The following CD82 variants were observed in gnomAD, a reference collection of about 807,000 sequenced individuals.
The protein encoded by CD82 is CD82 antigen.
Under a neutral mutation model 37.4 loss-of-function variants are expected in CD82, and 36 were observed. The ratio of observed to expected loss-of-function variants is 0.96; its 90% CI spans 0.74 to 1.27. CD82 has a LOEUF of 1.27. CD82 is among the 50% of genes most tolerant of loss of function. CD82 has a pLI of 0.00. For synonymous variants in CD82, 158 were observed against 137.4 expected (o/e 1.15, Z -1.05); for missense variants, 340 against 347.0 (o/e 0.98, Z 0.16).
rs768938991 is a variant in CD82 at position 44,594,733 on chromosome 11, T to C, written c.63+8T>C. The C allele has an allele frequency of 1.9e-6, 3 of 1,611,004 alleles. No homozygotes were observed. The highest frequency in any genetic ancestry group is 2.5e-6 in the Non-Finnish European group (3 of 1,177,128). ...TTCAACTTGATCTTCTTTGTAAGTA[T>C]GTCCCATGCCGTCCTGACCACCTCC... On this transcript the variant is annotated splice_region_variant and intron_variant, in intron 3 of 9. Transcript: ENST00000227155.
At chr11:44,609,646 C>T (rs1227986196) in intron 6 of CD82, among the ~76,000 whole-genome samples, 13 of 152,196 alleles carry the variant, frequency 8.5e-5, no homozygotes, top group Non-Finnish European at 1.5e-4. Context: ...ACACAGGTGG[C>T]GAGACGGGTT....
At chr11:44,609,759 A>C (rs979851011) in intron 6 of CD82, among the ~76,000 whole-genome samples, 6 of 152,140 alleles carry the variant, frequency 3.9e-5, no homozygotes, top group African/African-American at 1.4e-4. Context: ...AGGGAGGAAG[A>C]GCAGCTGGAG....
rs71038809 is a variant in CD82 at position 44,598,400 on chromosome 11, A to ATTTTTTTTTTTTTTTTTTTTTT, written c.64-1750_64-1729dup. ...CAGTTATCATGGATTTTTGGCCTTA[A>ATTTTTTTTTTTTTTTTTTTTTT]TTTTTTTTTTTTTTTTTTTTTTTTT... On this transcript the variant is annotated intron_variant, in intron 3 of 9. Coordinates refer to ENST00000227155, the MANE Select transcript of CD82 (RefSeq NM_002231.4). Among the ~76,000 whole-genome samples, 5 of 58,880 alleles carry ATTTTTTTTTTTTTTTTTTTTTT rather than the reference A, an allele frequency of 8.5e-5. 1 individual carries two copies. Among genetic ancestry groups the ATTTTTTTTTTTTTTTTTTTTTT allele is most frequent in the East Asian group, 5.9e-4 (1 of 1,688 alleles). The allele number at this position is 58,880 out of a possible 152,430, so 38.6% of individuals were successfully genotyped here. A position where few individuals can be genotyped will look rare whatever the true frequency, so the allele number is the denominator to read the frequency against.
At chr11:44,575,880 G>T (rs529253757) in intron 1 of CD82, among the ~76,000 whole-genome samples, 2 of 152,326 alleles carry the variant, frequency 1.3e-5, no homozygotes, top group Non-Finnish European at 2.9e-5. Context: ...CAAGTGACAT[G>T]CTGTGTCTAA....
chr11:44,591,403 G>T (rs1478227797), intron 2 of CD82, among the ~76,000 whole-genome samples: 1 of 152,212 alleles, frequency 6.6e-6, no homozygotes, highest in Non-Finnish European at 1.5e-5. Context: ...CTTGCCCAGG[G>T]TCTGGAATAT....
intron 1 of CD82, among the ~76,000 whole-genome samples, chr11:44,586,605 G>C (rs555244406): frequency 3.9e-5 from 6 of 152,308 alleles, no homozygotes; most frequent in African/African-American, 1.4e-4. Context: ...GCAGTGAGCT[G>C]TGTTTACACC....
intron 1 of CD82, among the ~76,000 whole-genome samples, chr11:44,577,385 T>C (rs1000403360): frequency 2.0e-5 from 3 of 152,118 alleles, no homozygotes; most frequent in Non-Finnish European, 2.9e-5. Flanking sequence ...AGCCACCTTC[T>C]TCCCTCAGGG....
chr11:44,567,899 G>T (rs1361975856), intron 1 of CD82, among the ~76,000 whole-genome samples: 1 of 152,232 alleles, frequency 6.6e-6, no homozygotes, highest in African/African-American at 2.4e-5. Flanking sequence ...CTTGAGGAGA[G>T]GAAAATGCCT....
rs1565097176 is a variant in CD82, at chr11:44,618,648, G to C, written c.651G>C (p.Met217Ile). The C allele has an allele frequency of 1.9e-6, 3 of 1,611,860 alleles. No individual in the cohort carries two copies. Among genetic ancestry groups the C allele is most frequent in the Non-Finnish European group, 2.5e-6 (3 of 1,179,846 alleles). The change falls in exon 9 of 10, where the codon ATG (methionine) becomes ATC (isoleucine). Residue 217 changes from methionine (M) to isoleucine (I), a missense_variant. Transcript: ENST00000227155. ...EDWPVYQEGCMEKVQAWLQEN... is the reference protein window; with the variant it reads ...EDWPVYQEGCIEKVQAWLQEN... ...GCATTCTGCCCTTGCAGGGCTGCAT[G>C]GAGAAGGTGCAGGCGTGGCTGCAGG...
At position 44,582,997 on chromosome 11, in the gene CD82, A is replaced by G. The variant is rs75190697; in HGVS notation, c.-102-4478A>G. On this transcript the variant is annotated intron_variant, in intron 1 of 9. Coordinates refer to ENST00000227155, the MANE Select transcript of CD82 (RefSeq NM_002231.4). ...CCCAACATACACAATGAACTTGTGC[A>G]TTCCCCAGAAGGGGTGGGGGTAGGG... Among the ~76,000 whole-genome samples, 1,113 of 152,338 alleles carry G rather than the reference A, an allele frequency of 7.3e-3. 15 individuals carry two copies. The highest frequency in any genetic ancestry group is 0.026 in the African/African-American group (1,064 of 41,580).
At chr11:44,571,986 G>T (rs986169352) in intron 1 of CD82, among the ~76,000 whole-genome samples, 1 of 152,192 alleles carries the variant, frequency 6.6e-6, no homozygotes, top group Non-Finnish European at 1.5e-5. Context: ...TGTTATCTTG[G>T]GTAAGTTATA....
At chr11:44,580,912 G>C (rs183860440) in intron 1 of CD82, among the ~76,000 whole-genome samples, 69 of 152,288 alleles carry the variant, frequency 4.5e-4, no homozygotes, top group Middle Eastern at 3.4e-3. Flanking sequence ...TGAGCTCAGT[G>C]CCTGGGGAGG....
rs182211375 is a variant in CD82, at chr11:44,588,033, C to T, written c.-21+477C>T. The T allele has an allele frequency of 1.9e-3, 409 of 209,824 alleles. 5 individuals are homozygous for T. The East Asian group carries it at 0.039, about 20-fold the overall frequency. 13.0% of individuals were successfully genotyped at this position (209,824 alleles called of 1,614,324 possible). On this transcript the variant is annotated intron_variant, in intron 2 of 9. Coordinates refer to ENST00000227155, the MANE Select transcript of CD82 (RefSeq NM_002231.4). ...ATTTGTTGGGAGTCTGCCTTGTTCT[C>T]GTAAATAACAGTCTTCCCGTCAAGG...
chr11:44,572,625 G>A (rs1458556034), intron 1 of CD82, among the ~76,000 whole-genome samples: 1 of 151,720 alleles, frequency 6.6e-6, no homozygotes, highest in African/African-American at 2.4e-5. Context: ...GGAGACAAGA[G>A]TTAGATATGA....
intron 3 of CD82, among the ~76,000 whole-genome samples, chr11:44,598,965 C>T (rs1853269251): frequency 6.6e-6 from 1 of 152,248 alleles, no homozygotes; most frequent in South Asian, 2.1e-4. Context: ...GCCACCCCCA[C>T]CTCCAAAGGG....
intron 1 of CD82, among the ~76,000 whole-genome samples, chr11:44,586,840 T>C (rs181516619): frequency 2.9e-4 from 44 of 152,294 alleles, no homozygotes; most frequent in African/African-American, 1.0e-3. Flanking sequence ...AAAACATACA[T>C]TGAGAGCTTC....
chr11:44,588,827 G>A (rs1853098955), intron 2 of CD82, among the ~76,000 whole-genome samples: 1 of 152,200 alleles, frequency 6.6e-6, no homozygotes. Context: ...AGTGTTAAAT[G>A]ATAAGTAGAA....
In CD82 at chr11:44,600,149, T is replaced by C; in HGVS notation, c.64-9T>C. Reference sequence around the variant, plus strand: ...TGGCTCCCCATTAACTGCTCCCTTCTCCTTCCAGATCCTGGGCGCAGTGAT... The same window carrying C: ...TGGCTCCCCATTAACTGCTCCCTTCCCCTTCCAGATCCTGGGCGCAGTGAT... On this transcript the variant is annotated splice_polypyrimidine_tract_variant and intron_variant, in intron 3 of 9. Transcript: ENST00000227155. The C allele has an allele frequency of 6.2e-7, 1 of 1,613,940 alleles. No homozygotes were observed. The highest frequency in any genetic ancestry group is 8.5e-7 in the Non-Finnish European group (1 of 1,179,900).
intron 1 of CD82, 93 bp from the exon 2 acceptor site, chr11:44,587,381 CG>C (rs1853072310): frequency 6.0e-5 from 27 of 449,898 alleles, no homozygotes; most frequent in South Asian, 4.2e-4. Context: ...GCCGGCCACA[CG>C]GGGAGCCTGG....
Sources: gnomAD v4.1 joint callset for allele counts (sites outside exome capture counted in the v4.1 genomes callset) on GRCh38, gnomAD v4.1.1 for gene constraint, MANE v1.5 for transcripts, NCBI Gene and HGNC (gene_info 2026-07-23, HGNC 2026-07-21) for gene names.